The following MORC1 variants were observed in gnomAD, a reference collection of about 807,000 sequenced individuals.
MORC1 encodes the protein MORC family CW-type zinc finger protein 1.
In MORC1, 59 loss-of-function variants were observed where a neutral mutation model predicts 134.9. That is an observed-to-expected ratio of 0.44 (90% CI 0.35 to 0.54). The LOEUF is 0.54. MORC1 is among the 20% of genes least tolerant of loss of function. The probability of loss-of-function intolerance (pLI) is 0.00; values close to 1 mark genes in which losing one functional copy is unlikely to be tolerated. For synonymous variants in MORC1, 395 were observed against 391.7 expected, an observed-to-expected ratio of 1.01 and a Z score of -0.10; for missense variants, 947 against 1,134.5, an observed-to-expected ratio of 0.83 and a Z score of 2.37.
At chr3:109,044,102 T>C (rs557998795) in intron 14 of MORC1, among the ~76,000 whole-genome samples, 26 of 152,206 alleles carry the variant, frequency 1.7e-4, no homozygotes, top group Non-Finnish European at 3.1e-4. Flanking sequence ...AATAGGATAA[T>C]CCGGGATTAA....
intron 26 of MORC1, among the ~76,000 whole-genome samples, chr3:108,965,916 C>A (rs1947206800): frequency 6.6e-6 from 1 of 152,028 alleles, no homozygotes; most frequent in African/African-American, 2.4e-5. Flanking sequence ...GAAAGTTTAC[C>A]TTTTAGTAAC....
Position 109,040,893 on chromosome 3 carries a change from C to T in MORC1, c.1331-5425G>A, listed in dbSNP as rs146112782. On this transcript the variant is annotated intron_variant, in intron 14 of 27. Coordinates refer to ENST00000232603, the MANE Select transcript of MORC1 (RefSeq NM_014429.4). ...AAAAGTCAAGAAAATGATGTATGAA[C>T]AAAATGTAAATATCATAAAGAAATA... is the stretch of plus-strand genomic sequence containing the variant. Among the ~76,000 whole-genome samples, 270 of 141,598 alleles carry T rather than the reference C, an allele frequency of 1.9e-3. 3 individuals are homozygous for T. The highest frequency in any genetic ancestry group is 6.5e-3 in the African/African-American group (239 of 36,868). 92.9% of individuals were successfully genotyped at this position (141,598 alleles called of 152,430 possible).
At chr3:108,978,437 G>A (rs1034027544) in intron 24 of MORC1, among the ~76,000 whole-genome samples, 14 of 152,156 alleles carry the variant, frequency 9.2e-5, no homozygotes, top group Admixed American at 7.9e-4. Flanking sequence ...TCCTGGGGCA[G>A]GACTGGTGTT....
At chr3:109,052,145 G>T (rs1328880659) in intron 14 of MORC1, among the ~76,000 whole-genome samples, 1 of 152,124 alleles carries the variant, frequency 6.6e-6, no homozygotes, top group African/African-American at 2.4e-5. Flanking sequence ...GAGAGTAGAT[G>T]TTTGAGTTAA....
intron 20 of MORC1, among the ~76,000 whole-genome samples, chr3:109,003,421 A>ACACACC (rs1340168945): frequency 6.6e-6 from 1 of 151,386 alleles, no homozygotes; most frequent in Non-Finnish European, 1.5e-5. Context: ...ACACACACAC[A>ACACACC]CACACACACG....
At chr3:108,970,514 G>C (rs1947348471) in intron 25 of MORC1, among the ~76,000 whole-genome samples, 1 of 152,198 alleles carries the variant, frequency 6.6e-6, no homozygotes, top group Non-Finnish European at 1.5e-5. Flanking sequence ...AGAGGGTAAA[G>C]AGGCAGAAAC....
chr3:109,101,317 C>G (rs915869727), intron 4 of MORC1: 5 of 152,222 alleles, frequency 3.3e-5, no homozygotes, highest in African/African-American at 7.2e-5. Flanking sequence ...GACCTCTGCT[C>G]TGATACTACC....
Position 108,958,895 on chromosome 3 carries a change from AAG to A in MORC1, c.*68_*69del, listed in dbSNP as rs1947006399. ...AGACTTTACAGTAACAACAACAAAAAAGAAAAATTTTTAAAAGAATCTTCCAA... is the reference window on the plus strand; with the variant it reads ...AGACTTTACAGTAACAACAACAAAAAAAAAATTTTTAAAAGAATCTTCCAA... On this transcript the variant is annotated 3_prime_UTR_variant, in exon 28 of 28. Coordinates refer to ENST00000232603, the MANE Select transcript of MORC1 (RefSeq NM_014429.4). 2 of 1,196,950 alleles carry A rather than the reference AAG, an allele frequency of 1.7e-6. No individual in the cohort carries two copies. The highest frequency in any genetic ancestry group is 2.2e-6 in the Non-Finnish European group (2 of 889,164). 74.1% of individuals were successfully genotyped at this position (1,196,950 alleles called of 1,614,324 possible). A position where few individuals can be genotyped will look rare whatever the true frequency, so the allele number is the denominator to read the frequency against.
chr3:109,111,262 C>T (rs1213546011), intron 2 of MORC1, among the ~76,000 whole-genome samples: 1 of 152,004 alleles, frequency 6.6e-6, no homozygotes, highest in Non-Finnish European at 1.5e-5. Context: ...AAACTATAGC[C>T]ACGGACCAAA....
intron 26 of MORC1, among the ~76,000 whole-genome samples, chr3:108,967,446 G>A (rs1220244163): frequency 6.6e-6 from 1 of 152,150 alleles, no homozygotes; most frequent in Non-Finnish European, 1.5e-5. Flanking sequence ...CAAGCTGACT[G>A]CCACAGACTT....
intron 25 of MORC1, among the ~76,000 whole-genome samples, chr3:108,970,270 CA>C (rs1036218489): frequency 6.7e-6 from 1 of 149,698 alleles, no homozygotes; most frequent in Non-Finnish European, 1.5e-5. Context: ...GGGAGGAAAG[CA>C]AAAAAAATAA....
At chr3:109,041,218 G>A (rs1050286932) in intron 14 of MORC1, among the ~76,000 whole-genome samples, 1 of 151,592 alleles carries the variant, frequency 6.6e-6, no homozygotes, top group African/African-American at 2.4e-5. Context: ...GGCTGAAGCA[G>A]GAAAATGGCG....
At chr3:109,011,662 C>T (rs1214022299) in intron 17 of MORC1, among the ~76,000 whole-genome samples, 5 of 152,050 alleles carry the variant, frequency 3.3e-5, no homozygotes, top group African/African-American at 1.2e-4. Context: ...GCTATGATTA[C>T]AGGCATGCGC....
intron 2 of MORC1, among the ~76,000 whole-genome samples, chr3:109,111,757 C>T (rs898086341): frequency 6.6e-6 from 1 of 152,070 alleles, no homozygotes; most frequent in Non-Finnish European, 1.5e-5. Context: ...GAAACCTGAG[C>T]GTCTCTCCAA....
chr3:109,024,312 T>A (rs1214402833), intron 17 of MORC1, among the ~76,000 whole-genome samples: 5 of 152,224 alleles, frequency 3.3e-5, no homozygotes, highest in African/African-American at 1.2e-4. Context: ...TATTTTTAAC[T>A]TTTTTGGATT....
At chr3:108,980,236 C>T (rs973830678) in intron 23 of MORC1, among the ~76,000 whole-genome samples, 3 of 152,164 alleles carry the variant, frequency 2.0e-5, no homozygotes, top group Non-Finnish European at 4.4e-5. Flanking sequence ...CCCTAGAGGG[C>T]AAGTTCATGT....
intron 27 of MORC1, among the ~76,000 whole-genome samples, chr3:108,961,344 T>C (rs1947074789): frequency 6.6e-6 from 1 of 152,210 alleles, no homozygotes; most frequent in African/African-American, 2.4e-5. Flanking sequence ...GATGTTGATA[T>C]TTACCTTGAC....
intron 17 of MORC1, among the ~76,000 whole-genome samples, chr3:109,025,718 A>G (rs903135654): frequency 3.9e-5 from 6 of 151,924 alleles, no homozygotes; most frequent in African/African-American, 1.2e-4. Context: ...AGCTGCCCTC[A>G]CTATCTCCTG....
At chr3:109,063,910 G>T (rs1480780921) in intron 9 of MORC1, among the ~76,000 whole-genome samples, 1 of 152,140 alleles carries the variant, frequency 6.6e-6, no homozygotes, top group Non-Finnish European at 1.5e-5. Context: ...TCCTGGAACC[G>T]GGCTTTTAAA....
Sources: allele counts gnomAD v4.1 joint callset (sites outside exome capture counted in the v4.1 genomes callset), GRCh38; gene constraint gnomAD v4.1.1; transcripts MANE v1.5; gene names NCBI Gene and HGNC (gene_info 2026-07-23, HGNC 2026-07-21).